CYBRD1: variants seen among roughly 807,000 people sequenced by gnomAD.
The protein encoded by CYBRD1 is cytochrome b reductase 1.
Under a neutral mutation model 21.9 loss-of-function variants are expected in CYBRD1, and 14 were observed. The observed-to-expected ratio is 0.64, with a 90% CI of 0.42 to 1.00. The LOEUF (loss-of-function observed/expected upper bound fraction) is 1.00, where lower values mean the gene tolerates loss of function less well. Among genes scored for constraint, CYBRD1 ranks in the 50% least tolerant of loss-of-function variants. The pLI, the probability that CYBRD1 is intolerant of heterozygous loss-of-function variation, is 0.00. For missense variants in CYBRD1, 328 were observed against 352.5 expected, an observed-to-expected ratio of 0.93 and a Z score of 0.56; for synonymous variants, 146 against 136.5, an observed-to-expected ratio of 1.07 and a Z score of -0.48.
chr2:171,555,019 A>G lies in CYBRD1; in HGVS notation c.*192A>G, dbSNP rs1683457972. 4 of 631,096 alleles carry G rather than the reference A, an allele frequency of 6.3e-6. No homozygotes were observed. Among genetic ancestry groups the G allele is most frequent in the Non-Finnish European group, 1.1e-5 (4 of 365,682 alleles). 39.1% of individuals were successfully genotyped at this position (631,096 alleles called of 1,614,324 possible). ...ACCTGAATTGGAAAGGATGTGATTA[A>G]TATAAATAATAGCAGATATAAATTG... On this transcript the variant is annotated 3_prime_UTR_variant, in exon 4 of 4. Coordinates refer to ENST00000321348, the MANE Select transcript of CYBRD1 (RefSeq NM_024843.4).
At chr2:171,543,325 G>T (rs1386352737) in intron 2 of CYBRD1, among the ~76,000 whole-genome samples, 1 of 152,196 alleles carries the variant, frequency 6.6e-6, no homozygotes, top group Non-Finnish European at 1.5e-5. Context: ...GCAGGACTGA[G>T]GTCCCTGTTC....
At position 171,527,603 on chromosome 2, in the gene CYBRD1, G is replaced by A. The variant is rs12472239; in HGVS notation, c.193+4865G>A. On this transcript the variant is annotated intron_variant, in intron 1 of 3. Transcript: ENST00000321348. ...ATGGACATCATATTGCACTGGAAACGCATCTTTATTCTGAGGCCTCTAGCT... is the reference window on the plus strand; with the variant it reads ...ATGGACATCATATTGCACTGGAAACACATCTTTATTCTGAGGCCTCTAGCT... Among the ~76,000 whole-genome samples the A allele has an allele frequency of 1.7e-3, 253 of 152,194 alleles. 3 individuals carry two copies. The highest frequency in any genetic ancestry group is 1.9e-3 in the South Asian group (9 of 4,816).
Position 171,554,898 on chromosome 2 carries a change from G to C in CYBRD1, c.*71G>C. 1 of 1,495,384 alleles carries C rather than the reference G, an allele frequency of 6.7e-7. No homozygotes were observed. Among genetic ancestry groups the C allele is most frequent in the Non-Finnish European group, 9.3e-7 (1 of 1,080,178 alleles). The allele number at this position is 1,495,384 out of a possible 1,614,324, so 92.6% of individuals were successfully genotyped here. A position where few individuals can be genotyped will look rare whatever the true frequency, so the allele number is the denominator to read the frequency against. The stretch of plus-strand genomic sequence containing the variant: ...CTCTACAGTTTTGCTTCTCCTATTA[G>C]CCATATGATAATTGGGCTATGTAGT... On this transcript the variant is annotated 3_prime_UTR_variant, in exon 4 of 4. Coordinates refer to ENST00000321348, the MANE Select transcript of CYBRD1 (RefSeq NM_024843.4).
rs1683456511 is a variant in CYBRD1, at chr2:171,554,898, G to A, written c.*71G>A. ...CTCTACAGTTTTGCTTCTCCTATTA[G>A]CCATATGATAATTGGGCTATGTAGT... is the stretch of plus-strand genomic sequence containing the variant. On this transcript the variant is annotated 3_prime_UTR_variant, in exon 4 of 4. Coordinates refer to ENST00000321348, the MANE Select transcript of CYBRD1 (RefSeq NM_024843.4). 5 of 1,495,384 alleles carry A rather than the reference G, an allele frequency of 3.3e-6. 1 individual carries two copies. Among genetic ancestry groups the A allele is most frequent in the Non-Finnish European group, 2.8e-6 (3 of 1,080,178 alleles). The allele number at this position is 1,495,384 out of a possible 1,614,324, so 92.6% of individuals were successfully genotyped here. A position where few individuals can be genotyped will look rare whatever the true frequency, so the allele number is the denominator to read the frequency against.
intron 2 of CYBRD1, chr2:171,551,061 ATCC>A (rs1270704254): frequency 4.8e-5 from 10 of 209,134 alleles, no homozygotes; most frequent in African/African-American, 2.3e-4. Context: ...GACTCAAGCA[ATCC>A]TCCTGCCTCA....
intron 1 of CYBRD1, among the ~76,000 whole-genome samples, chr2:171,524,747 A>C (rs1697359855): frequency 6.6e-6 from 1 of 152,034 alleles, no homozygotes; most frequent in Non-Finnish European, 1.5e-5. Flanking sequence ...ATCTTTTTAG[A>C]CAGCGAAAAC....
intron 1 of CYBRD1, among the ~76,000 whole-genome samples, chr2:171,523,780 C>T (rs1339357622): frequency 2.0e-5 from 3 of 152,196 alleles, no homozygotes; most frequent in Non-Finnish European, 4.4e-5. Flanking sequence ...CTGGAGGAAC[C>T]TCTAGCTTTT....
At chr2:171,553,297 G>C (rs569201460) in intron 2 of CYBRD1, 49 bp from the exon 3 acceptor site, 3 of 1,597,040 alleles carry the variant, frequency 1.9e-6, no homozygotes, top group Non-Finnish European at 2.6e-6. Flanking sequence ...TTTAAAATTA[G>C]TTTAGAACTT....
chr2:171,526,783 G>A lies in CYBRD1; in HGVS notation c.193+4045G>A, dbSNP rs527277578. ...AGGTGGAATGTGTTCTTTAGTGAAA[G>A]GTAGAAAATTCGGGTGTCTACATTT... On this transcript the variant is annotated intron_variant, in intron 1 of 3. Transcript: ENST00000321348. 7.2e-5 allele frequency among the ~76,000 whole-genome samples: 11 copies of A among 152,286 alleles called. 4 individuals are homozygous for A. The highest frequency in any genetic ancestry group is 2.6e-4 in the African/African-American group (11 of 41,550).
At chr2:171,530,737 T>C (rs1170357867) in intron 1 of CYBRD1, among the ~76,000 whole-genome samples, 1 of 152,068 alleles carries the variant, frequency 6.6e-6, no homozygotes. Context: ...CTCCAAAACA[T>C]TGGGCTGATC....
At chr2:171,542,922 A>G (rs1472722508) in intron 2 of CYBRD1, among the ~76,000 whole-genome samples, 3 of 152,198 alleles carry the variant, frequency 2.0e-5, no homozygotes, top group Admixed American at 6.5e-5. Context: ...TTTAATTAAA[A>G]TGGTTCCCAG....
intron 2 of CYBRD1, among the ~76,000 whole-genome samples, chr2:171,542,496 A>T (rs971373496): frequency 1.7e-4 from 26 of 152,166 alleles, no homozygotes; most frequent in African/African-American, 6.3e-4. Flanking sequence ...AATAAAGGAA[A>T]GACAGAGAGA....
At chr2:171,529,456 A>G (rs1205283266) in intron 1 of CYBRD1, among the ~76,000 whole-genome samples, 2 of 144,230 alleles carry the variant, frequency 1.4e-5, no homozygotes, top group African/African-American at 5.1e-5. Flanking sequence ...GCTTGAACCC[A>G]GGAGACAGAG....
In CYBRD1 at chr2:171,554,855, G is replaced by A. The variant is rs560581890; in HGVS notation, c.*28G>A. 13 of 1,610,232 alleles carry A rather than the reference G, an allele frequency of 8.1e-6. No individual in the cohort carries two copies. Among genetic ancestry groups the A allele is most frequent in the Middle Eastern group, 2.2e-4 (1 of 4,588 alleles). On this transcript the variant is annotated 3_prime_UTR_variant, in exon 4 of 4. Coordinates refer to ENST00000321348, the MANE Select transcript of CYBRD1 (RefSeq NM_024843.4). ...TGTTGTAGAGATAGAGCCATATAAC[G>A]TCACGTTTCAAAACTAGCTCTACAG...
In CYBRD1 at chr2:171,522,755, G is replaced by C. The variant is rs1376352053; in HGVS notation, c.193+17G>C. ...AGGGCATCGGTACTGGCACCTCCTG[G>C]GGGGGTGCGGGGAGGAAAGCGGGGA... On this transcript the variant is annotated intron_variant, in intron 1 of 3. Coordinates refer to ENST00000321348, the MANE Select transcript of CYBRD1 (RefSeq NM_024843.4). The surrounding 1 kb of genome is among the most constrained non-coding windows in gnomAD (Gnocchi z 4.3). The C allele has an allele frequency of 6.2e-7, 1 of 1,613,166 alleles. No homozygotes were observed. The highest frequency in any genetic ancestry group is 8.5e-7 in the Non-Finnish European group (1 of 1,179,776).
At position 171,524,536 on chromosome 2, in the gene CYBRD1, G is replaced by A. The variant is rs16859443; in HGVS notation, c.193+1798G>A. On this transcript the variant is annotated intron_variant, in intron 1 of 3. Transcript: ENST00000321348. ...GCTCGTTGCCTGACTTGCCACAGAG[G>A]AGAAGACATCAGAATGGCTAATAGT... 0.05 allele frequency among the ~76,000 whole-genome samples: 7,674 copies of A among 152,242 alleles called. 829 individuals are homozygous for A. In the East Asian group the frequency reaches 0.52, roughly 10 times the overall value.
chr2:171,532,529 G>A (rs1056861924), intron 1 of CYBRD1, among the ~76,000 whole-genome samples: 1 of 152,170 alleles, frequency 6.6e-6, no homozygotes, highest in African/African-American at 2.4e-5. Flanking sequence ...GCCTGGCATG[G>A]TGGCTTATGC....
intron 1 of CYBRD1, among the ~76,000 whole-genome samples, chr2:171,539,655 G>A (rs1349810822): frequency 6.6e-6 from 1 of 152,124 alleles, no homozygotes; most frequent in Admixed American, 6.5e-5. Flanking sequence ...CTGAATGTTG[G>A]TTAAGGTGGC....
intron 2 of CYBRD1, among the ~76,000 whole-genome samples, chr2:171,550,003 T>C (rs1697775274): frequency 6.6e-6 from 1 of 152,208 alleles, no homozygotes; most frequent in Admixed American, 6.5e-5. Flanking sequence ...TACGTAAGAA[T>C]CGTCTGGGCA....
Sources: gnomAD v4.1 joint callset for allele counts (sites outside exome capture counted in the v4.1 genomes callset) on GRCh38, gnomAD v4.1.1 for gene constraint, Gnocchi (gnomAD v3.1) non-coding constraint, MANE v1.5 for transcripts, NCBI Gene and HGNC (gene_info 2026-07-23, HGNC 2026-07-21) for gene names.